Variants in CAMK2D observed in about 807,000 individuals in gnomAD.
CAMK2D encodes calcium/calmodulin-dependent protein kinase type II subunit delta.
CAMK2D carries 37 observed loss-of-function variants against 84.0 expected under a neutral mutation model. That is an observed-to-expected ratio of 0.44 (90% CI 0.34 to 0.58). The LOEUF is 0.58. Among genes scored for constraint, CAMK2D ranks in the 20% least tolerant of loss-of-function variants. The pLI is 0.02. For synonymous variants in CAMK2D, 202 were observed against 212.5 expected (o/e 0.95, Z 0.43); for missense variants, 448 against 652.5 (o/e 0.69, Z 3.41).
intron 2 of CAMK2D, among the ~76,000 whole-genome samples, chr4:113,712,943 GT>G (rs1300071723): frequency 2.0e-5 from 3 of 151,886 alleles, no homozygotes; most frequent in East Asian, 3.9e-4. Flanking sequence ...ATGCAATACT[GT>G]TTTCTGCATT....
At chr4:113,753,711 T>G (rs909109372) in intron 2 of CAMK2D, 2 of 731,006 alleles carry the variant, frequency 2.7e-6, no homozygotes, top group Non-Finnish European at 3.3e-6. Flanking sequence ...ATGAATAACA[T>G]AACATTTTGT....
chr4:113,538,131 G>A (rs2098506018), intron 6 of CAMK2D, among the ~76,000 whole-genome samples: 1 of 151,690 alleles, frequency 6.6e-6, no homozygotes. Flanking sequence ...TTTCTTCAAA[G>A]CGTGATTCAG....
At chr4:113,581,589 T>C (rs2154241882) in intron 4 of CAMK2D, among the ~76,000 whole-genome samples, 1 of 149,912 alleles carries the variant, frequency 6.7e-6, no homozygotes, top group Middle Eastern at 3.4e-3. Flanking sequence ...CCTTAGAAGG[T>C]ATTTGATTTT....
intron 2 of CAMK2D, among the ~76,000 whole-genome samples, chr4:113,681,304 G>A (rs1414859913): frequency 6.6e-6 from 1 of 152,082 alleles, no homozygotes; most frequent in Admixed American, 6.6e-5. Context: ...TCATGGGGGT[G>A]GTTACCCCCA....
chr4:113,594,866 G>A (rs114925589), intron 4 of CAMK2D, among the ~76,000 whole-genome samples: 8,876 of 152,122 alleles, frequency 0.058, 334 homozygotes, highest in South Asian at 0.099. Flanking sequence ...AAGAAAGAGA[G>A]AAAGAAATAG....
intron 2 of CAMK2D, among the ~76,000 whole-genome samples, chr4:113,755,313 T>C (rs2099626167): frequency 6.6e-6 from 1 of 151,848 alleles, no homozygotes. Flanking sequence ...TAGGAATTAA[T>C]AAAACTAGTA....
At chr4:113,569,507 A>G (rs962634432) in intron 4 of CAMK2D, among the ~76,000 whole-genome samples, 9 of 152,246 alleles carry the variant, frequency 5.9e-5, no homozygotes, top group Admixed American at 5.2e-4. Flanking sequence ...TGAAAGGACC[A>G]TGTACAACTT....
intron 4 of CAMK2D, among the ~76,000 whole-genome samples, chr4:113,570,082 T>G (rs1484061331): frequency 6.6e-6 from 1 of 152,054 alleles, no homozygotes; most frequent in African/African-American, 2.4e-5. Flanking sequence ...ATGAAAGATA[T>G]GTACATTGAA....
chr4:113,518,731 C>T (rs1034765792), intron 8 of CAMK2D, among the ~76,000 whole-genome samples: 1 of 152,066 alleles, frequency 6.6e-6, no homozygotes, highest in Non-Finnish European at 1.5e-5. Flanking sequence ...TTTCCCTTAT[C>T]CAAGGTGGTC....
intron 8 of CAMK2D, among the ~76,000 whole-genome samples, chr4:113,522,239 A>AAGAT (rs1403843569): frequency 6.6e-6 from 1 of 152,196 alleles, no homozygotes; most frequent in African/African-American, 2.4e-5. Context: ...GAACTCTGAG[A>AAGAT]AGATAGTAGG....
chr4:113,712,496 C>T (rs1367606021), intron 2 of CAMK2D, among the ~76,000 whole-genome samples: 1 of 151,944 alleles, frequency 6.6e-6, no homozygotes, highest in Non-Finnish European at 1.5e-5. Context: ...AACAAATCAG[C>T]AAAAGCTATA....
chr4:113,526,590 A>AACTT (rs1406430218), intron 8 of CAMK2D, among the ~76,000 whole-genome samples: 2 of 151,594 alleles, frequency 1.3e-5, no homozygotes, highest in East Asian at 3.8e-4. Flanking sequence ...TAGAGCTTCT[A>AACTT]ACTTATAAGT....
intron 4 of CAMK2D, among the ~76,000 whole-genome samples, chr4:113,596,873 G>A (rs1367501256): frequency 6.6e-6 from 1 of 150,506 alleles, no homozygotes; most frequent in Non-Finnish European, 1.5e-5. Context: ...AGGCTGGAGT[G>A]CAGTGGCATG....
intron 4 of CAMK2D, among the ~76,000 whole-genome samples, chr4:113,578,838 A>T (rs1006058660): frequency 6.6e-6 from 1 of 152,236 alleles, no homozygotes; most frequent in African/African-American, 2.4e-5. Flanking sequence ...CAATTTGCAG[A>T]GGCATGTCCT....
At chr4:113,615,504 T>G (rs568811965) in intron 3 of CAMK2D, among the ~76,000 whole-genome samples, 22 of 152,152 alleles carry the variant, frequency 1.4e-4, no homozygotes, top group Admixed American at 4.6e-4. Flanking sequence ...AAAACTAAGT[T>G]CAAAATCAAA....
chr4:113,546,582 AT>A (rs1257149453), intron 6 of CAMK2D, among the ~76,000 whole-genome samples: 4 of 152,110 alleles, frequency 2.6e-5, no homozygotes, highest in Non-Finnish European at 4.4e-5. Context: ...TGGATTTATA[AT>A]TTTTTTTATA....
At chr4:113,488,840 G>C (rs985005117) in intron 16 of CAMK2D, among the ~76,000 whole-genome samples, 1 of 152,118 alleles carries the variant, frequency 6.6e-6, no homozygotes, top group Non-Finnish European at 1.5e-5. Context: ...GGTTCCATTT[G>C]TCTTGATTTT....
chr4:113,566,519 T>C (rs1292929006), intron 4 of CAMK2D, among the ~76,000 whole-genome samples: 1 of 152,230 alleles, frequency 6.6e-6, no homozygotes, highest in African/African-American at 2.4e-5. Flanking sequence ...TTCCGATCTT[T>C]AAATCTTCCA....
intron 4 of CAMK2D, among the ~76,000 whole-genome samples, chr4:113,558,522 T>G (rs2098681017): frequency 6.7e-6 from 1 of 149,088 alleles, no homozygotes; most frequent in African/African-American, 2.6e-5. Flanking sequence ...CAGGAGGATG[T>G]GCATAGGTTA....
Sources: gnomAD v4.1 joint callset for allele counts (sites outside exome capture counted in the v4.1 genomes callset) on GRCh38, gnomAD v4.1.1 for gene constraint, MANE v1.5 for transcripts, NCBI Gene and HGNC (gene_info 2026-07-23, HGNC 2026-07-21) for gene names.